Variants in HMGXB4 observed in about 807,000 individuals in gnomAD.
The protein encoded by HMGXB4 is HMG domain-containing protein 4.
A neutral mutation model predicts 63.9 loss-of-function variants in HMGXB4; 27 were observed. The observed-to-expected ratio is 0.42, with a 90% CI of 0.31 to 0.58. HMGXB4 has a LOEUF of 0.58. Ranked by LOEUF, HMGXB4 falls within the 20% of genes least tolerant of loss-of-function variation. The pLI is 0.13. For synonymous variants in HMGXB4, 264 were observed against 265.3 expected, an observed-to-expected ratio of 0.99 and a Z score of 0.05; for missense variants, 624 against 700.7, an observed-to-expected ratio of 0.89 and a Z score of 1.24.
rs1168377727 is a variant in HMGXB4 at position 35,265,017 on chromosome 22, C to CT, written c.633dup (p.Gln212SerfsTer20). ...GGAAGCAGCTCTGTTGATGAGGAGT[C>CT]TTTTCAATATCCCTCCCAACAAGCG... On this transcript the variant is annotated frameshift_variant, in exon 5 of 11. Coordinates refer to ENST00000216106, the MANE Select transcript of HMGXB4 (RefSeq NM_001003681.3). LOFTEE classifies it high-confidence loss of function. 1 of 1,612,612 alleles carries CT rather than the reference C, an allele frequency of 6.2e-7. No homozygotes were observed. Among genetic ancestry groups the CT allele is most frequent in the Non-Finnish European group, 8.5e-7 (1 of 1,178,754 alleles).
chr22:35,257,922 C>T (rs923463751), intron 1 of HMGXB4, among the ~76,000 whole-genome samples: 6 of 152,088 alleles, frequency 3.9e-5, no homozygotes, highest in African/African-American at 1.4e-4. Context: ...GCCGGAGACG[C>T]GGGAACCCGG....
chr22:35,285,075 AC>A (rs1301024379), intron 6 of HMGXB4, among the ~76,000 whole-genome samples: 1 of 152,108 alleles, frequency 6.6e-6, no homozygotes, highest in Non-Finnish European at 1.5e-5. Flanking sequence ...ATATTTTTTA[AC>A]CTAAGTTGAT....
intron 1 of HMGXB4, among the ~76,000 whole-genome samples, chr22:35,260,184 G>A (rs1922755316): frequency 6.6e-6 from 1 of 152,206 alleles, no homozygotes; most frequent in Non-Finnish European, 1.5e-5. Context: ...AAACACTGAT[G>A]ACTGTATTTA....
chr22:35,265,084 G>A lies in HMGXB4; in HGVS notation c.696G>A (p.Gln232=), dbSNP rs1366744397. The change falls in exon 5 of 11, where the codon CAG becomes CAA. Residue 232 remains glutamine, a synonymous_variant. Transcript: ENST00000216106. The part of the protein sequence containing the change: ...KSSKKSARDE[Q]GALLLGHELQ... ...CAAAGAAATCAGCTCGGGATGAGCA[G>A]GGTGCTTTACTCCTAGGACATGAGT... is the stretch of plus-strand genomic sequence containing the variant. The A allele has an allele frequency of 1.9e-6, 3 of 1,614,152 alleles. No homozygotes were observed. Among genetic ancestry groups the A allele is most frequent in the South Asian group, 1.1e-5 (1 of 91,078 alleles).
Position 35,263,803 on chromosome 22 carries a change from AACTTT to A in HMGXB4, c.193_197del (p.Tyr65LeufsTer15), listed in dbSNP as rs1568995509. The A allele has an allele frequency of 6.2e-7, 1 of 1,610,682 alleles. No homozygotes were observed. Among genetic ancestry groups the A allele is most frequent in the Non-Finnish European group, 8.5e-7 (1 of 1,176,804 alleles). ...ATTCTTCTTTAATTATAGGATAGTG[AACTTT>A]ACTTCTTGGGGACGGACACACACAA... is the stretch of plus-strand genomic sequence containing the variant. On this transcript the variant is annotated frameshift_variant, in exon 4 of 11. Coordinates refer to ENST00000216106, the MANE Select transcript of HMGXB4 (RefSeq NM_001003681.3). LOFTEE classifies it high-confidence loss of function.
In HMGXB4 at chr22:35,265,528, C is replaced by T; in HGVS notation, c.1140C>T (p.Gly380=). The T allele has an allele frequency of 1.9e-6, 3 of 1,613,398 alleles. No individual in the cohort carries two copies. Among genetic ancestry groups the T allele is most frequent in the Non-Finnish European group, 2.5e-6 (3 of 1,179,904 alleles). ...CAGCACCTCCCCTGCCACTTCCTGG[C>T]CTCCACACAGATGGGCATAGTGAAA... ...GAAAPPLPLP[G]LHTDGHSEKK... The change falls in exon 5 of 11, where the codon GGC becomes GGT. Residue 380 remains glycine (G), a synonymous_variant. Coordinates refer to ENST00000216106, the MANE Select transcript of HMGXB4 (RefSeq NM_001003681.3).
chr22:35,244,179 C>G, the HMGXB4 span, among the ~76,000 whole-genome samples: 4 of 152,130 alleles, frequency 2.6e-5, no homozygotes, highest in South Asian at 2.1e-4. Context: ...CTCTAGGACT[C>G]ATGATAGGAA....
chr22:35,255,030 G>A (rs1257534828), upstream of HMGXB4, among the ~76,000 whole-genome samples: 2 of 152,140 alleles, frequency 1.3e-5, no homozygotes, highest in East Asian at 1.9e-4. Flanking sequence ...GATTTTCTTT[G>A]TGTCTACCCC....
In HMGXB4 at chr22:35,265,450, A is replaced by G. The variant is rs764083722; in HGVS notation, c.1062A>G (p.Gly354=). 7.4e-6 allele frequency: 12 copies of G among 1,614,042 alleles called. No individual in the cohort carries two copies. The highest frequency in any genetic ancestry group is 1.0e-5 in the Non-Finnish European group (12 of 1,180,036). The change falls in exon 5 of 11, where the codon GGA becomes GGG. Residue 354 remains glycine (G), a synonymous_variant. Coordinates refer to ENST00000216106, the MANE Select transcript of HMGXB4 (RefSeq NM_001003681.3). Reference sequence around the variant, plus strand: ...TAGGACTTTCTGCCGTGCCAGTGGGAGAGGTCACAGTGACATCTGGCCCTC... The same window carrying G: ...TAGGACTTTCTGCCGTGCCAGTGGGGGAGGTCACAGTGACATCTGGCCCTC... ...RSLGLSAVPV[G]EVTVTSGPPP... is the part of the protein sequence containing the mutation.
chr22:35,287,775 C>T (rs867727917), intron 8 of HMGXB4, among the ~76,000 whole-genome samples: 17 of 152,122 alleles, frequency 1.1e-4, no homozygotes, highest in Admixed American at 3.9e-4. Flanking sequence ...ATGGAGAAAC[C>T]CCGTCTCTAC....
At chr22:35,281,867 G>A (rs1039916171) in intron 5 of HMGXB4, among the ~76,000 whole-genome samples, 1 of 152,142 alleles carries the variant, frequency 6.6e-6, no homozygotes, top group Non-Finnish European at 1.5e-5. Context: ...ACCTTGGAAG[G>A]TGTTCTAGGA....
Position 35,285,560 on chromosome 22 carries a change from G to T in HMGXB4, c.1298-437G>T, listed in dbSNP as rs548296139. ...ACTCCGTCTCAAAAAAAAGAAAAAA[G>T]AAAAAAATTTTAAAAAATTAGCTAG... On this transcript the variant is annotated intron_variant, in intron 6 of 10. Transcript: ENST00000216106. Among the ~76,000 whole-genome samples the T allele has an allele frequency of 3.3e-5, 5 of 152,006 alleles. No individual in the cohort carries two copies. In the South Asian group the frequency reaches 1.0e-3, roughly 32 times the overall value.
chr22:35,278,641 A>AT (rs889734316), intron 5 of HMGXB4, among the ~76,000 whole-genome samples: 26 of 140,110 alleles, frequency 1.9e-4, no homozygotes, highest in African/African-American at 3.5e-4. Flanking sequence ...AATTTTATGT[A>AT]TTTTTTTTTA....
At chr22:35,255,775 C>T (rs1922369426), upstream of HMGXB4, among the ~76,000 whole-genome samples, 1 of 152,268 alleles carries the variant, frequency 6.6e-6, no homozygotes, top group Admixed American at 6.5e-5. Context: ...CAACTGAAAT[C>T]ATCCTGACCA....
intron 5 of HMGXB4, 62 bp downstream of exon 5, chr22:35,265,665 G>A (rs1923193081): frequency 6.9e-7 from 1 of 1,455,594 alleles, no homozygotes. Flanking sequence ...TGGGTAGTCA[G>A]TGGACTTTTA....
At chr22:35,251,444 C>G in the HMGXB4 span, among the ~76,000 whole-genome samples, 1 of 152,022 alleles carries the variant, frequency 6.6e-6, no homozygotes, top group African/African-American at 2.4e-5. Flanking sequence ...GTTTTTTGTC[C>G]CACTCTTCAT....
At position 35,275,752 on chromosome 22, in the gene HMGXB4, A is replaced by G. The variant is rs73883591; in HGVS notation, c.1216-8210A>G. On this transcript the variant is annotated intron_variant, in intron 5 of 10. Transcript: ENST00000216106. ...AGACCCTGTTGCTTAAAAAGAAGTTACTTTTTGAATATTCTTGATACTGTG... is the reference window on the plus strand; with the variant it reads ...AGACCCTGTTGCTTAAAAAGAAGTTGCTTTTTGAATATTCTTGATACTGTG... Among the ~76,000 whole-genome samples, 837 of 152,278 alleles carry G rather than the reference A, an allele frequency of 5.5e-3. 10 individuals are homozygous for G. The highest frequency in any genetic ancestry group is 0.019 in the African/African-American group (783 of 41,548).
At chr22:35,267,363 C>G (rs528966797) in intron 5 of HMGXB4, among the ~76,000 whole-genome samples, 2 of 152,132 alleles carry the variant, frequency 1.3e-5, no homozygotes, top group East Asian at 3.9e-4. Context: ...TCTGTTTATC[C>G]TAAGAATTTC....
intron 1 of HMGXB4, among the ~76,000 whole-genome samples, chr22:35,257,828 GT>G: frequency 6.6e-6 from 1 of 151,960 alleles, no homozygotes; most frequent in Non-Finnish European, 1.5e-5. Context: ...GGGAGGGGGC[GT>G]GCGGCCGCCC....
Sources: allele counts gnomAD v4.1 joint callset (sites outside exome capture counted in the v4.1 genomes callset), GRCh38; gene constraint gnomAD v4.1.1; transcripts MANE v1.5; gene names NCBI Gene and HGNC (gene_info 2026-07-23, HGNC 2026-07-21).